Variants in MECOM observed in about 807,000 individuals in gnomAD.
MECOM encodes the protein histone-lysine N-methyltransferase MECOM.
MECOM carries 13 observed loss-of-function variants against 116.3 expected under a neutral mutation model. That is an observed-to-expected ratio of 0.11 (90% CI 0.07 to 0.18). The LOEUF (loss-of-function observed/expected upper bound fraction) is 0.18, where lower values mean the gene tolerates loss of function less well. MECOM is among the 10% of genes least tolerant of loss of function. The probability of loss-of-function intolerance (pLI) is 1.00; values close to 1 mark genes in which losing one functional copy is unlikely to be tolerated. For missense variants in MECOM, 1,299 were observed against 1,509.0 expected (o/e 0.86, Z 2.31); for synonymous variants, 528 against 535.2 (o/e 0.99, Z 0.19).
chr3:169,582,518 T>C (rs1008759773), intron 1 of MECOM, among the ~76,000 whole-genome samples: 1 of 152,174 alleles, frequency 6.6e-6, no homozygotes, highest in Non-Finnish European at 1.5e-5. Context: ...AGCTACCATG[T>C]TGACTTCAGT....
chr3:169,480,011 G>C lies in MECOM; in HGVS notation c.38-98487C>G, dbSNP rs77214614. ...TGCTAATCCATCTGACTCCAGATTC[G>C]ATGTACTTTCCACAGTGAAGACAAT... On this transcript the variant is annotated intron_variant, in intron 1 of 16. Transcript: ENST00000651503. Among the ~76,000 whole-genome samples, 900 of 152,234 alleles carry C rather than the reference G, an allele frequency of 5.9e-3. 14 individuals carry two copies. Among genetic ancestry groups the C allele is most frequent in the African/African-American group, 0.021 (854 of 41,550 alleles).
intron 1 of MECOM, among the ~76,000 whole-genome samples, chr3:169,642,325 A>G (rs1273219378): frequency 6.6e-6 from 1 of 152,110 alleles, no homozygotes; most frequent in Non-Finnish European, 1.5e-5. Context: ...GAGAAGGAAA[A>G]TATTTAGAAA....
Position 169,611,324 on chromosome 3 carries a change from C to G in MECOM, c.37+52012G>C, listed in dbSNP as rs138540522. ...GCCGAATCATAATACAGGCCTTGTA[C>G]TTCTGCCTCAGCTGACTTGTCTGTG... On this transcript the variant is annotated intron_variant, in intron 1 of 16. Coordinates refer to ENST00000651503, the MANE Select transcript of MECOM (RefSeq NM_004991.4). This position sits in a 1 kb window ranked among gnomAD's most constrained non-coding sequence, Gnocchi z 4.1. 4.6e-4 allele frequency among the ~76,000 whole-genome samples: 70 copies of G among 152,224 alleles called. No individual in the cohort carries two copies. Among genetic ancestry groups the G allele is most frequent in the Non-Finnish European group, 8.2e-4 (56 of 68,038 alleles).
At chr3:169,159,352 G>A (rs1022847127) in intron 2 of MECOM, among the ~76,000 whole-genome samples, 1 of 152,150 alleles carries the variant, frequency 6.6e-6, no homozygotes, top group East Asian at 1.9e-4. Flanking sequence ...GAGGTCAGGA[G>A]TTTGAGACGA....
At chr3:169,298,579 G>A (rs1425030089) in intron 2 of MECOM, among the ~76,000 whole-genome samples, 1 of 151,884 alleles carries the variant, frequency 6.6e-6, no homozygotes, top group South Asian at 2.1e-4. Flanking sequence ...TTTGGCCCTA[G>A]GGTACTGTAA....
chr3:169,187,565 GA>G (rs1366518864), intron 2 of MECOM, among the ~76,000 whole-genome samples: 1 of 151,986 alleles, frequency 6.6e-6, no homozygotes, highest in Non-Finnish European at 1.5e-5. Context: ...ATGGAGAGGG[GA>G]AAAATAAAGA....
Position 169,102,074 on chromosome 3 carries a change from C to T in MECOM, c.2757G>A (p.Glu919=), listed in dbSNP as rs1327718199. ...LPENLLRKGK[E]RYTCRYCGKI... Reference sequence around the variant, plus strand: ...TGTGCAGTTACCTGCAGGTATAGCGCTCCTTTCCCTTCCGCAGAAGGTTCT... The same window carrying T: ...TGTGCAGTTACCTGCAGGTATAGCGTTCCTTTCCCTTCCGCAGAAGGTTCT... Residue 919 remains glutamate, a synonymous_variant, in exon 11 of 17, where the codon GAG becomes GAA. Transcript: ENST00000651503. 6.2e-7 allele frequency: 1 copy of T among 1,612,838 alleles called. No individual in the cohort carries two copies.
At chr3:169,552,553 G>A (rs1420037592) in intron 1 of MECOM, among the ~76,000 whole-genome samples, 4 of 152,124 alleles carry the variant, frequency 2.6e-5, no homozygotes, top group African/African-American at 9.7e-5. Context: ...TAATATAGGA[G>A]GAAACTGAGG....
chr3:169,126,583 A>G (rs1278388352), intron 5 of MECOM, among the ~76,000 whole-genome samples: 4 of 152,052 alleles, frequency 2.6e-5, no homozygotes, highest in Non-Finnish European at 5.9e-5. Flanking sequence ...GAGTTTAAAA[A>G]GTTCTGGGAA....
intron 1 of MECOM, among the ~76,000 whole-genome samples, chr3:169,595,315 C>T (rs924003042): frequency 6.6e-6 from 1 of 152,176 alleles, no homozygotes; most frequent in Admixed American, 6.5e-5. Context: ...CCACCAACGA[C>T]TACCTAATTT....
intron 2 of MECOM, among the ~76,000 whole-genome samples, chr3:169,175,689 C>T (rs1261856511): frequency 6.6e-6 from 1 of 152,170 alleles, no homozygotes; most frequent in Non-Finnish European, 1.5e-5. Flanking sequence ...GAGTTCTGTG[C>T]TCTTGTGCTA....
chr3:169,536,203 C>T lies in MECOM; in HGVS notation c.37+127133G>A, dbSNP rs1200918669. On this transcript the variant is annotated intron_variant, in intron 1 of 16. Transcript: ENST00000651503. ...TTTCCAGAGGTAGGACAAACCCCAA[C>T]CTTCTTTAGTGAAACCCAGGTCAGG... 2.0e-5 allele frequency among the ~76,000 whole-genome samples: 3 copies of T among 152,098 alleles called. No homozygotes were observed. The East Asian group carries it at 5.8e-4, about 29-fold the overall frequency.
At chr3:169,332,620 C>G (rs1007787637) in intron 2 of MECOM, among the ~76,000 whole-genome samples, 2 of 152,154 alleles carry the variant, frequency 1.3e-5, no homozygotes, top group Non-Finnish European at 2.9e-5. Flanking sequence ...CATATATACA[C>G]AGATACCCAT....
chr3:169,418,550 GATC>G lies in MECOM; in HGVS notation c.38-37029_38-37027del, dbSNP rs1411053708. Among the ~76,000 whole-genome samples, 3 of 152,250 alleles carry G rather than the reference GATC, an allele frequency of 2.0e-5. No individual in the cohort carries two copies. The East Asian group carries it at 5.8e-4, about 29-fold the overall frequency. ...GCACATCAAAAAGCTTATCCACTAT[GATC>G]AAGTCGGCTTCACCCCTGGGATGCA... On this transcript the variant is annotated intron_variant, in intron 1 of 16. Coordinates refer to ENST00000651503, the MANE Select transcript of MECOM (RefSeq NM_004991.4).
intron 1 of MECOM, among the ~76,000 whole-genome samples, chr3:169,386,388 G>A (rs1197396000): frequency 6.6e-6 from 1 of 152,094 alleles, no homozygotes; most frequent in Non-Finnish European, 1.5e-5. Context: ...AGACTAGCTG[G>A]GTGTCCAAAC....
chr3:169,643,958 G>A (rs973870046), intron 1 of MECOM, among the ~76,000 whole-genome samples: 1 of 152,114 alleles, frequency 6.6e-6, no homozygotes, highest in East Asian at 1.9e-4. Context: ...CTAAGAAATA[G>A]GTAAGCCAGC....
chr3:169,546,829 G>C (rs1212999070), intron 1 of MECOM, among the ~76,000 whole-genome samples: 1 of 152,148 alleles, frequency 6.6e-6, no homozygotes, highest in African/African-American at 2.4e-5. Context: ...ATTGGTTTCT[G>C]GTATGTACTA....
Position 169,109,405 on chromosome 3 carries a change from G to C in MECOM, c.2578-1453C>G, listed in dbSNP as rs141967549. Among the ~76,000 whole-genome samples, 973 of 144,778 alleles carry C rather than the reference G, an allele frequency of 6.7e-3. 4 individuals carry two copies. The highest frequency in any genetic ancestry group is 0.013 in the South Asian group (61 of 4,566). 95.0% of individuals were successfully genotyped at this position (144,778 alleles called of 152,430 possible). A position where few individuals can be genotyped will look rare whatever the true frequency, so the allele number is the denominator to read the frequency against. On this transcript the variant is annotated intron_variant, in intron 9 of 16. Transcript: ENST00000651503. The stretch of plus-strand genomic sequence containing the variant: ...CATTCATCTTTTAATTTTGATGTAT[G>C]CATTCATGTATCTTTTTTTTTTTTT...
At chr3:169,529,957 A>G (rs1040361704) in intron 1 of MECOM, among the ~76,000 whole-genome samples, 3 of 152,224 alleles carry the variant, frequency 2.0e-5, no homozygotes, top group African/African-American at 7.2e-5. Flanking sequence ...AAGTAGAAAA[A>G]AGGACATACA....
Sources: allele counts gnomAD v4.1 joint callset (sites outside exome capture counted in the v4.1 genomes callset), GRCh38; gene constraint gnomAD v4.1.1; non-coding constraint Gnocchi (gnomAD v3.1); transcripts MANE v1.5; gene names NCBI Gene and HGNC (gene_info 2026-07-23, HGNC 2026-07-21).